The following GMCL1 variants were observed in gnomAD, a reference collection of about 807,000 sequenced individuals.
The protein encoded by GMCL1 is germ cell-less 1, spermatogenesis associated, also known as germ cell-less protein-like 1.
GMCL1 carries 54 observed loss-of-function variants against 75.5 expected under a neutral mutation model. The ratio of observed to expected loss-of-function variants is 0.71; its 90% CI spans 0.57 to 0.90. The LOEUF is 0.90. Ranked by LOEUF, GMCL1 falls within the 40% of genes least tolerant of loss-of-function variation. The pLI is 0.00. For missense variants in GMCL1, 537 were observed against 622.7 expected, an observed-to-expected ratio of 0.86 and a Z score of 1.47; for synonymous variants, 210 against 209.6, an observed-to-expected ratio of 1.00 and a Z score of -0.02.
chr2:69,854,834 A>G lies in GMCL1; in HGVS notation c.946A>G (p.Met316Val), dbSNP rs1251328099. 6.2e-7 allele frequency: 1 copy of G among 1,608,540 alleles called. No individual in the cohort carries two copies. Among genetic ancestry groups the G allele is most frequent in the Non-Finnish European group, 8.5e-7 (1 of 1,178,294 alleles). ...FSKQRKDFEG[M>V]AFLETEQGKP... Reference sequence around the variant, plus strand: ...ATGGTTTTTTATAGATTTTGAAGGTATGGCCTTTCTTGAAACTGAACAAGG... The same window carrying G: ...ATGGTTTTTTATAGATTTTGAAGGTGTGGCCTTTCTTGAAACTGAACAAGG... The change falls in exon 9 of 14, where the codon ATG (methionine) becomes GTG (valine). Residue 316 changes from methionine (M) to valine (V), a missense_variant. Around this residue, in one of 3 missense-constraint regions of GMCL1, gnomAD observed 345 missense variants for 410.5 expected, o/e 0.84. Coordinates refer to ENST00000282570, the MANE Select transcript of GMCL1 (RefSeq NM_178439.5).
At chr2:69,855,874 G>A (rs1010120450) in intron 9 of GMCL1, among the ~76,000 whole-genome samples, 5 of 152,102 alleles carry the variant, frequency 3.3e-5, no homozygotes, top group African/African-American at 9.7e-5. Flanking sequence ...TACATATGCC[G>A]CTCTAACTGT....
At position 69,839,602 on chromosome 2, in the gene GMCL1, C is replaced by T. The variant is rs759804887; in HGVS notation, c.481+49C>T. 3.5e-6 allele frequency: 4 copies of T among 1,158,530 alleles called. No individual in the cohort carries two copies. The East Asian group carries it at 9.5e-5, about 28-fold the overall frequency. 71.8% of individuals were successfully genotyped at this position (1,158,530 alleles called of 1,614,324 possible). On this transcript the variant is annotated intron_variant, in intron 3 of 13. Transcript: ENST00000282570. ...TATGCAACAATCGTAAAAACATAAT[C>T]TTATTCTTCTGGTAGAAGATAAATA...
intron 5 of GMCL1, 59 bp downstream of exon 5, chr2:69,843,320 T>G: frequency 1.2e-6 from 1 of 864,644 alleles, no homozygotes; most frequent in South Asian, 1.4e-5. Context: ...GTTGCTTTAG[T>G]TTCTTAAGAG....
intron 4 of GMCL1, 97 bp from the exon 5 acceptor site, chr2:69,843,035 TCTTTCTTTTCTTTCTTC>T: frequency 2.4e-6 from 1 of 419,288 alleles, no homozygotes; most frequent in South Asian, 5.3e-5. Context: ...TAATGAGTTT[TCTTTCTTTTCTTTCTTC>T]TTTTTTTTTT....
chr2:69,830,561 A>G (rs993720966), intron 1 of GMCL1, among the ~76,000 whole-genome samples: 3 of 152,176 alleles, frequency 2.0e-5, no homozygotes, highest in Admixed American at 1.3e-4. Context: ...TCTCTGAAAT[A>G]GGCACTCTTA....
chr2:69,866,270 T>A (rs1675815358), intron 11 of GMCL1, among the ~76,000 whole-genome samples: 1 of 151,604 alleles, frequency 6.6e-6, no homozygotes, highest in Non-Finnish European at 1.5e-5. Flanking sequence ...AAAAACTGAT[T>A]GTATCTTATT....
At chr2:69,843,064 CT>C (rs1276047838) in intron 4 of GMCL1, 84 bp from the exon 5 acceptor site, 2 of 254,076 alleles carry the variant, frequency 7.9e-6, no homozygotes, top group Non-Finnish European at 1.4e-5. Flanking sequence ...TTTTTTTTTT[CT>C]TTTACTTTTT....
At position 69,843,221 on chromosome 2, in the gene GMCL1, A is replaced by G; in HGVS notation, c.652A>G (p.Thr218Ala). The change falls in exon 5 of 14, where the codon ACA (threonine) becomes GCA (alanine). Residue 218 changes from threonine to alanine, a missense_variant. Physicochemically the swap from Thr to Ala is moderately conservative, Grantham distance 58 (BLOSUM62 0). This residue lies in a region of GMCL1 where 345 missense variants were observed against 410.5 expected (regional missense o/e 0.84). Transcript: ENST00000282570. The stretch of plus-strand genomic sequence containing the variant: ...TGTGAAAACTGTATGTGGCTATTAC[A>G]CATCAGCAGGGACCTATGGATTAGA... ...VNVKTVCGYY[T>A]SAGTYGLDSV... The G allele has an allele frequency of 6.2e-7, 1 of 1,609,128 alleles. No homozygotes were observed. The highest frequency in any genetic ancestry group is 8.5e-7 in the Non-Finnish European group (1 of 1,175,560).
At chr2:69,846,815 C>G (rs1045651040) in intron 6 of GMCL1, among the ~76,000 whole-genome samples, 1 of 151,634 alleles carries the variant, frequency 6.6e-6, no homozygotes, top group African/African-American at 2.4e-5. Flanking sequence ...GACGATATAG[C>G]TGTTTTAGTG....
intron 13 of GMCL1, among the ~76,000 whole-genome samples, chr2:69,875,687 G>T (rs1676110751): frequency 1.3e-5 from 2 of 151,004 alleles, no homozygotes; most frequent in Admixed American, 6.6e-5. Flanking sequence ...ATAACACTTA[G>T]TATTTTACAT....
rs762549347 is a variant in GMCL1 at position 69,843,166 on chromosome 2, G to A, written c.597G>A (p.Gln199=). The change falls in exon 5 of 14, where the codon CAG becomes CAA. Residue 199 remains glutamine (Q), a synonymous_variant. Transcript: ENST00000282570. ...ATTTACAGGACGGTTTAATACAGCA[G>A]TGTGGTGAGACAATGAAGGAAACAG... ...CLLQLDGLIQ[Q]CGETMKETVN... is the part of the protein sequence containing the mutation. 3 of 1,609,122 alleles carry A rather than the reference G, an allele frequency of 1.9e-6. No homozygotes were observed. The highest frequency in any genetic ancestry group is 2.2e-5 in the East Asian group (1 of 44,768).
rs374656847 is a variant in GMCL1, at chr2:69,837,559, G to C, written c.273G>C (p.Lys91Asn). Residue 91 changes from lysine (K) to asparagine (N), a missense_variant, in exon 2 of 14, where the codon AAG becomes AAC. Around this residue, in one of 3 missense-constraint regions of GMCL1, gnomAD observed 144 missense variants for 127.2 expected, o/e 1.13. Transcript: ENST00000282570. ...TTTCTTTTAACAGGAAAAAATTAAA[G>C]AGTACATCTAAATATATTTATCAAA... is the stretch of plus-strand genomic sequence containing the variant. ...LLNTPRRKKLKSTSKYIYQTL... is the reference protein window; with the variant it reads ...LLNTPRRKKLNSTSKYIYQTL... 6.4e-6 allele frequency: 10 copies of C among 1,554,620 alleles called. No individual in the cohort carries two copies. The highest frequency in any genetic ancestry group is 1.4e-5 in the African/African-American group (1 of 71,596).
chr2:69,866,506 T>G (rs1675821362), intron 11 of GMCL1, among the ~76,000 whole-genome samples: 1 of 152,234 alleles, frequency 6.6e-6, no homozygotes, highest in Non-Finnish European at 1.5e-5. Context: ...TCTCACTGTG[T>G]CGCCCAGGTT....
At chr2:69,837,868 G>T (rs1674863679) in intron 2 of GMCL1, among the ~76,000 whole-genome samples, 198 bp downstream of exon 2, 1 of 152,174 alleles carries the variant, frequency 6.6e-6, no homozygotes, top group South Asian at 2.1e-4. Flanking sequence ...TGATATTTCA[G>T]TATCAGACTA....
In GMCL1 at chr2:69,864,962, C is replaced by T. The variant is rs1372037082; in HGVS notation, c.1205C>T (p.Ala402Val). The change falls in exon 11 of 14, where the codon GCC becomes GTC. Residue 402 changes from alanine (A) to valine (V), a missense_variant. By Grantham distance (64) the Ala-to-Val change is moderately conservative (BLOSUM62 0). Transcript: ENST00000282570. ...GNSMRCGRKL[A>V]KDGEYCWRWT... ...AGCATGAGGTGTGGTAGAAAGCTTG[C>T]CAAAGATGGTGAAGTAAGTATGGGT... is the stretch of plus-strand genomic sequence containing the variant. The T allele has an allele frequency of 1.2e-6, 2 of 1,612,356 alleles. No homozygotes were observed.
In GMCL1 at chr2:69,830,061, G is replaced by A. The variant is rs978750054; in HGVS notation, c.169G>A (p.Gly57Arg). The A allele has an allele frequency of 1.3e-6, 2 of 1,569,912 alleles. No individual in the cohort carries two copies. Among genetic ancestry groups the A allele is most frequent in the Admixed American group, 1.9e-5 (1 of 53,146 alleles). ...AGSHKRKRSS[G>R]SFCYCHPDSE... ...CAGCCACAAGCGCAAGCGGAGCAGCGGGTCCTTCTGCTACTGTCACCCTGA... is the reference window on the plus strand; with the variant it reads ...CAGCCACAAGCGCAAGCGGAGCAGCAGGTCCTTCTGCTACTGTCACCCTGA... The change falls in exon 1 of 14, where the codon GGG becomes AGG. Residue 57 changes from glycine to arginine, a missense_variant. Gly to Arg is a moderately radical substitution (Grantham distance 125). Coordinates refer to ENST00000282570, the MANE Select transcript of GMCL1 (RefSeq NM_178439.5).
rs1372646604 is a variant in GMCL1, at chr2:69,829,674, G to C, written c.-219G>C. 5.7e-6 allele frequency: 3 copies of C among 529,764 alleles called. No individual in the cohort carries two copies. The highest frequency in any genetic ancestry group is 9.7e-6 in the Non-Finnish European group (3 of 307,696). The allele number at this position is 529,764 out of a possible 1,614,324, so 32.8% of individuals were successfully genotyped here. A position where few individuals can be genotyped will look rare whatever the true frequency, so the allele number is the denominator to read the frequency against. ...CTCCGTCCCGCGCTTTGTTGCGAAAGCGAGGGGGCGAGGTGCTGCGGTGCT... is the reference window on the plus strand; with the variant it reads ...CTCCGTCCCGCGCTTTGTTGCGAAACCGAGGGGGCGAGGTGCTGCGGTGCT... On this transcript the variant is annotated 5_prime_UTR_variant, in exon 1 of 14. Transcript: ENST00000282570.
intron 6 of GMCL1, 195 bp downstream of exon 6, chr2:69,844,391 G>T: frequency 2.5e-6 from 1 of 397,532 alleles, no homozygotes; most frequent in Middle Eastern, 6.8e-4. Flanking sequence ...TAATATAATG[G>T]ATATTATGTC....
chr2:69,861,517 G>A (rs2104016112), intron 10 of GMCL1, among the ~76,000 whole-genome samples, 170 bp downstream of exon 10: 1 of 152,124 alleles, frequency 6.6e-6, no homozygotes, highest in South Asian at 2.1e-4. Context: ...TCTTATAAAT[G>A]TCTTTCTGGT....
Sources: allele counts gnomAD v4.1 joint callset (sites outside exome capture counted in the v4.1 genomes callset), GRCh38; gene constraint gnomAD v4.1.1; regional missense constraint gnomAD v4.1.1; transcripts MANE v1.5; gene names NCBI Gene and HGNC (gene_info 2026-07-23, HGNC 2026-07-21).